Variants in CBL observed in about 807,000 individuals in gnomAD.
CBL encodes E3 ubiquitin-protein ligase CBL.
A neutral mutation model predicts 96.9 loss-of-function variants in CBL; 45 were observed. That is an observed-to-expected ratio of 0.46 (90% CI 0.37 to 0.60). The LOEUF (loss-of-function observed/expected upper bound fraction) is 0.60, where lower values mean the gene tolerates loss of function less well. CBL is among the 20% of genes least tolerant of loss of function. The pLI is 0.00. For synonymous variants in CBL, 420 were observed against 426.8 expected (o/e 0.98, Z 0.20); for missense variants, 1,024 against 1,143.5 (o/e 0.90, Z 1.51).
intron 12 of CBL, among the ~76,000 whole-genome samples, chr11:119,289,325 A>G (rs1251535849): frequency 1.3e-5 from 2 of 152,210 alleles, no homozygotes; most frequent in African/African-American, 2.4e-5. Context: ...CCTTTTAGTT[A>G]TATTTATTTG....
intron 2 of CBL, among the ~76,000 whole-genome samples, chr11:119,247,026 A>G (rs1379733578): frequency 6.6e-6 from 1 of 152,208 alleles, no homozygotes; most frequent in Non-Finnish European, 1.5e-5. Context: ...TAGAAGTTTG[A>G]AAAATGAAAT....
Position 119,285,530 on chromosome 11 carries a change from T to C in CBL, c.1905T>C (p.Pro635=), listed in dbSNP as rs777202513. The change falls in exon 11 of 16, where the codon CCT becomes CCC. Residue 635 remains proline, a synonymous_variant. Transcript: ENST00000264033. ...PSQMEPRPDV[P]RLGSTFSLDT... ...AAATGGAGCCCAGACCAGATGTGCC[T>C]AGGCTCGGAAGCACGTTCAGTCTGG... 13 of 1,614,024 alleles carry C rather than the reference T, an allele frequency of 8.1e-6. No individual in the cohort carries two copies. The highest frequency in any genetic ancestry group is 1.1e-5 in the Non-Finnish European group (13 of 1,180,044).
At chr11:119,242,535 C>CT (rs1489984881) in intron 2 of CBL, among the ~76,000 whole-genome samples, 1 of 75,278 alleles carries the variant, frequency 1.3e-5, no homozygotes, top group African/African-American at 4.9e-5. Flanking sequence ...GAGACTCCAT[C>CT]TCAAAAAAAA....
At chr11:119,230,348 T>G (rs946749176) in intron 1 of CBL, among the ~76,000 whole-genome samples, 3 of 152,058 alleles carry the variant, frequency 2.0e-5, no homozygotes, top group Non-Finnish European at 4.4e-5. Flanking sequence ...GAGACGGGGT[T>G]TCACCGTGGT....
Position 119,260,462 on chromosome 11 carries a change from G to A in CBL, c.444-11273G>A, listed in dbSNP as rs904699544. ...TTTTACCATGTTGACCAGGCTGGTC[G>A]GCTCAGCTTCTTTATGCCTAAATTG... On this transcript the variant is annotated intron_variant, in intron 2 of 15. Coordinates refer to ENST00000264033, the MANE Select transcript of CBL (RefSeq NM_005188.4). Among the ~76,000 whole-genome samples the A allele has an allele frequency of 1.6e-4, 24 of 151,702 alleles. No individual in the cohort carries two copies. In the East Asian group the frequency reaches 4.5e-3, roughly 28 times the overall value.
At chr11:119,268,538 C>T (rs764039329) in intron 2 of CBL, among the ~76,000 whole-genome samples, 39 of 152,234 alleles carry the variant, frequency 2.6e-4, no homozygotes, top group African/African-American at 7.9e-4. Flanking sequence ...TGCTAGCATT[C>T]GAGTGGAGGA....
intron 2 of CBL, among the ~76,000 whole-genome samples, chr11:119,250,444 G>A (rs988277092): frequency 1.3e-5 from 2 of 152,080 alleles, no homozygotes. Flanking sequence ...CTCCTCTCTT[G>A]TATTTTGCAC....
intron 1 of CBL, among the ~76,000 whole-genome samples, chr11:119,218,344 A>T (rs974275820): frequency 1.3e-5 from 2 of 152,216 alleles, no homozygotes; most frequent in South Asian, 4.2e-4. Context: ...GGAACTTTAG[A>T]CCAGTCAGGC....
At chr11:119,225,379 G>C (rs139637727) in intron 1 of CBL, among the ~76,000 whole-genome samples, 12 of 152,120 alleles carry the variant, frequency 7.9e-5, no homozygotes, top group African/African-American at 2.9e-4. Flanking sequence ...TTACAGGTGT[G>C]AGTTACTGTG....
At chr11:119,226,599 A>C (rs1949461252) in intron 1 of CBL, among the ~76,000 whole-genome samples, 1 of 151,974 alleles carries the variant, frequency 6.6e-6, no homozygotes, top group South Asian at 2.1e-4. Flanking sequence ...CTGGGACTCC[A>C]GGTGTGTGCC....
At chr11:119,243,918 C>T (rs765347620) in intron 2 of CBL, among the ~76,000 whole-genome samples, 37 of 151,580 alleles carry the variant, frequency 2.4e-4, no homozygotes, top group Non-Finnish European at 4.6e-4. Flanking sequence ...TTGTGGACAT[C>T]GGGTCTCACT....
At chr11:119,275,720 A>C (rs1400394056) in intron 5 of CBL, among the ~76,000 whole-genome samples, 2 of 151,644 alleles carry the variant, frequency 1.3e-5, no homozygotes, top group Non-Finnish European at 1.5e-5. Context: ...AAAATTAGCC[A>C]GGTGTGGTGG....
In CBL at chr11:119,278,404, T is replaced by C. The variant is rs150907444; in HGVS notation, c.1228-106T>C. ...GGGTGGCCTGGCTTTTGGGGTTAGG[T>C]TTAAACTTTTACTTTTTTTTGATCT... On this transcript the variant is annotated intron_variant, in intron 8 of 15. Transcript: ENST00000264033. 1.2e-4 allele frequency: 189 copies of C among 1,546,466 alleles called. No individual in the cohort carries two copies. In the African/African-American group the frequency reaches 2.4e-3, roughly 19 times the overall value.
At chr11:119,290,026 C>T (rs1214610230) in intron 12 of CBL, among the ~76,000 whole-genome samples, 1 of 151,918 alleles carries the variant, frequency 6.6e-6, no homozygotes, top group Non-Finnish European at 1.5e-5. Flanking sequence ...CTGGGAAATA[C>T]AGATGTTAGC....
At position 119,216,821 on chromosome 11, in the gene CBL, C is replaced by T. The variant is rs372910570; in HGVS notation, c.195+10209C>T. On this transcript the variant is annotated intron_variant, in intron 1 of 15. Coordinates refer to ENST00000264033, the MANE Select transcript of CBL (RefSeq NM_005188.4). ...TAACTACCCTCCCAAGAGGTATCTA[C>T]TGTGTGTAGTTTGGGGTCCATTCCC... Among the ~76,000 whole-genome samples, 12 of 152,134 alleles carry T rather than the reference C, an allele frequency of 7.9e-5. No individual in the cohort carries two copies. In the East Asian group the frequency reaches 1.3e-3, roughly 17 times the overall value.
chr11:119,216,688 C>T (rs913570069), intron 1 of CBL, among the ~76,000 whole-genome samples: 4 of 152,094 alleles, frequency 2.6e-5, no homozygotes, highest in African/African-American at 9.7e-5. Flanking sequence ...TTATTTTAAA[C>T]AGCAGCACAT....
rs752004590 is a variant in CBL at position 119,306,265 on chromosome 11, G to A, written c.*6484G>A. 1.3e-5 allele frequency: 5 copies of A among 398,428 alleles called. No homozygotes were observed. Among genetic ancestry groups the A allele is most frequent in the East Asian group, 7.1e-5 (2 of 28,092 alleles). The allele number at this position is 398,428 out of a possible 1,614,324, so 24.7% of individuals were successfully genotyped here. A position where few individuals can be genotyped will look rare whatever the true frequency, so the allele number is the denominator to read the frequency against. On this transcript the variant is annotated 3_prime_UTR_variant, in exon 16 of 16. Transcript: ENST00000264033. The stretch of plus-strand genomic sequence containing the variant: ...TACAGAGCTTGAGAAAAATGCAGCC[G>A]ACCACTCCCTGTGTTTGTACAGAGC...
At chr11:119,259,680 T>C (rs968749947) in intron 2 of CBL, among the ~76,000 whole-genome samples, 1 of 152,164 alleles carries the variant, frequency 6.6e-6, no homozygotes, top group African/African-American at 2.4e-5. Flanking sequence ...TAAATGTGTT[T>C]TCATCAAGCT....
At chr11:119,249,666 CTT>C (rs767462998) in intron 2 of CBL, among the ~76,000 whole-genome samples, 5 of 105,982 alleles carry the variant, frequency 4.7e-5, no homozygotes, top group Non-Finnish European at 6.2e-5. Flanking sequence ...TTCTTTCTTT[CTT>C]TTTTTTTTTT....
Sources: allele counts gnomAD v4.1 joint callset (sites outside exome capture counted in the v4.1 genomes callset), GRCh38; gene constraint gnomAD v4.1.1; transcripts MANE v1.5; gene names NCBI Gene and HGNC (gene_info 2026-07-23, HGNC 2026-07-21).